Variants in POU2F2 observed in about 807,000 individuals in gnomAD.
POU2F2 encodes the protein POU class 2 homeobox 2.
POU2F2 carries 14 observed loss-of-function variants against 63.5 expected under a neutral mutation model. The ratio of observed to expected loss-of-function variants is 0.22; its 90% confidence interval spans 0.15 to 0.34. The LOEUF (loss-of-function observed/expected upper bound fraction) is 0.34, where lower values mean the gene tolerates loss of function less well. POU2F2 is among the 10% of genes least tolerant of loss of function. POU2F2 has a pLI of 1.00. For synonymous variants in POU2F2, 306 were observed against 348.6 expected (o/e 0.88, Z 1.36); for missense variants, 607 against 815.2 (o/e 0.74, Z 3.11).
intron 1 of POU2F2, among the ~76,000 whole-genome samples, chr19:42,170,265 A>C (rs1193153819): frequency 1.3e-5 from 2 of 151,904 alleles, no homozygotes; most frequent in Non-Finnish European, 2.9e-5. Flanking sequence ...CAGATATTCA[A>C]ACTCTGAAAC....
chr19:42,108,333 A>T (rs370084190), intron 5 of POU2F2, among the ~76,000 whole-genome samples: 3 of 152,200 alleles, frequency 2.0e-5, no homozygotes, highest in Admixed American at 1.3e-4. Context: ...GCTCGCACCT[A>T]TAGTTCCAGC....
Position 42,122,334 on chromosome 19 carries a change from C to T in POU2F2, c.129+10G>A. On this transcript the variant is annotated intron_variant, in intron 3 of 14. Transcript: ENST00000692977. ...TCCCACCCCCTCCCGCTTATCCACT[C>T]CCTCCTAACCTGATGATTAGTGTCT... 1 of 1,384,202 alleles carries T rather than the reference C, an allele frequency of 7.2e-7. No individual in the cohort carries two copies. Among genetic ancestry groups the T allele is most frequent in the Non-Finnish European group, 1.0e-6 (1 of 991,546 alleles). 85.7% of individuals were successfully genotyped at this position (1,384,202 alleles called of 1,614,324 possible).
intron 1 of POU2F2, among the ~76,000 whole-genome samples, chr19:42,174,101 G>A (rs376305652): frequency 8.5e-5 from 13 of 152,202 alleles, no homozygotes; most frequent in South Asian, 4.2e-4. Context: ...CAAGCATGCC[G>A]TCAAACTCAG....
intron 2 of POU2F2, among the ~76,000 whole-genome samples, chr19:42,150,165 A>G (rs1328204248): frequency 6.6e-6 from 1 of 150,618 alleles, no homozygotes; most frequent in Non-Finnish European, 1.5e-5. Flanking sequence ...CTGCCTGGTG[A>G]CCCCAACACC....
intron 1 of POU2F2, among the ~76,000 whole-genome samples, chr19:42,175,637 G>A (rs1202958542): frequency 6.6e-6 from 1 of 152,034 alleles, no homozygotes; most frequent in Non-Finnish European, 1.5e-5. Context: ...AAACAGTAAA[G>A]GAGATGGAAA....
chr19:42,160,111 C>G (rs1261277495), intron 2 of POU2F2, among the ~76,000 whole-genome samples: 2 of 152,036 alleles, frequency 1.3e-5, no homozygotes, highest in Non-Finnish European at 2.9e-5. Context: ...GCAGAAACAC[C>G]CACAGTCATC....
intron 1 of POU2F2, among the ~76,000 whole-genome samples, chr19:42,181,570 A>ACATT (rs966598345): frequency 3.4e-5 from 3 of 88,684 alleles, no homozygotes; most frequent in African/African-American, 1.1e-4. Flanking sequence ...GTCTGAACAT[A>ACATT]CATTTATTTA....
At position 42,096,041 on chromosome 19, in the gene POU2F2, GC is replaced by G. The variant is rs756279452; in HGVS notation, c.729+40del. The stretch of plus-strand genomic sequence containing the variant: ...CTCGCGGCATCTATCAACTGGCCAC[GC>G]CCCCACGCCCACCGCCCAGCCTGCA... On this transcript the variant is annotated intron_variant, in intron 8 of 14. Coordinates refer to ENST00000692977, the MANE Select transcript of POU2F2 (RefSeq NM_001394376.1). This position sits in a 1 kb window ranked among gnomAD's most constrained non-coding sequence, Gnocchi z 4.1. 7.9e-5 allele frequency: 127 copies of G among 1,609,736 alleles called. No homozygotes were observed. The highest frequency in any genetic ancestry group is 6.2e-4 in the Admixed American group (37 of 59,288).
intron 7 of POU2F2, among the ~76,000 whole-genome samples, chr19:42,097,273 C>T (rs2076957057): frequency 6.6e-6 from 1 of 150,712 alleles, no homozygotes; most frequent in Non-Finnish European, 1.5e-5. Context: ...TCTTGGCTCA[C>T]CATAACCTCT....
chr19:42,154,940 A>G (rs1413059086), intron 2 of POU2F2, among the ~76,000 whole-genome samples: 1 of 152,132 alleles, frequency 6.6e-6, no homozygotes, highest in Non-Finnish European at 1.5e-5. Context: ...CTGGGACCTG[A>G]TCACATGGGT....
chr19:42,116,897 C>T (rs575792803), intron 5 of POU2F2: 18 of 489,118 alleles, frequency 3.7e-5, no homozygotes, highest in South Asian at 6.3e-5. Context: ...GCGGCGGCAG[C>T]GGCGTTAGCG....
At chr19:42,175,101 T>C (rs930669697) in intron 1 of POU2F2, among the ~76,000 whole-genome samples, 8 of 152,066 alleles carry the variant, frequency 5.3e-5, no homozygotes, top group Admixed American at 5.2e-4. Flanking sequence ...TCCACACCCT[T>C]CTCAGTGGGG....
rs1440492718 is a variant in POU2F2, at chr19:42,096,616, C to T, written c.568-373G>A. ...TGGGAATCAGGGACTGGCCCTGCCACCAAATCACTGCTTAGCCCAGGCCTC... is the reference window on the plus strand; with the variant it reads ...TGGGAATCAGGGACTGGCCCTGCCATCAAATCACTGCTTAGCCCAGGCCTC... On this transcript the variant is annotated intron_variant, in intron 7 of 14. Transcript: ENST00000692977. This position sits in a 1 kb window ranked among gnomAD's most constrained non-coding sequence, Gnocchi z 4.1. Among the ~76,000 whole-genome samples, 1 of 152,216 alleles carries T rather than the reference C, an allele frequency of 6.6e-6. No homozygotes were observed. The highest frequency in any genetic ancestry group is 1.5e-5 in the Non-Finnish European group (1 of 68,032).
intron 5 of POU2F2, chr19:42,116,766 G>C: frequency 2.8e-6 from 1 of 356,786 alleles, no homozygotes; most frequent in Non-Finnish European, 5.5e-6. Flanking sequence ...CAGGGGGCTG[G>C]CTGGCAGGCT....
At chr19:42,138,457 G>A (rs1168367081) in intron 2 of POU2F2, among the ~76,000 whole-genome samples, 3 of 152,128 alleles carry the variant, frequency 2.0e-5, no homozygotes, top group African/African-American at 7.2e-5. Context: ...CCCCAAGGTG[G>A]AGACAAACTT....
At chr19:42,114,377 C>T (rs1312780849) in intron 5 of POU2F2, among the ~76,000 whole-genome samples, 1 of 152,060 alleles carries the variant, frequency 6.6e-6, no homozygotes, top group Non-Finnish European at 1.5e-5. Context: ...GAGGTGTGGA[C>T]TCCTGGGCTG....
chr19:42,187,939 G>A (rs1425052373), intron 1 of POU2F2, among the ~76,000 whole-genome samples: 3 of 151,878 alleles, frequency 2.0e-5, no homozygotes, highest in East Asian at 3.9e-4. Flanking sequence ...TCCTCGTGTG[G>A]TGCCCTCTGC....
At chr19:42,101,547 G>A (rs1365434738) in intron 5 of POU2F2, among the ~76,000 whole-genome samples, 1 of 152,202 alleles carries the variant, frequency 6.6e-6, no homozygotes, top group African/African-American at 2.4e-5. Flanking sequence ...AGAAGGGACA[G>A]ATCCTTCCCT....
intron 1 of POU2F2, among the ~76,000 whole-genome samples, chr19:42,183,015 AG>A (rs1226487952): frequency 1.3e-5 from 2 of 152,192 alleles, no homozygotes; most frequent in Non-Finnish European, 2.9e-5. Context: ...AAGTAAATGG[AG>A]GAGCAGCTGG....
Sources: gnomAD v4.1 joint callset for allele counts (sites outside exome capture counted in the v4.1 genomes callset) on GRCh38, gnomAD v4.1.1 for gene constraint, Gnocchi (gnomAD v3.1) non-coding constraint, MANE v1.5 for transcripts, NCBI Gene and HGNC (gene_info 2026-07-23, HGNC 2026-07-21) for gene names.